Variants in CHRNA2 observed in about 807,000 individuals in gnomAD.
CHRNA2 encodes neuronal acetylcholine receptor subunit alpha-2.
Under a neutral mutation model 45.5 loss-of-function variants are expected in CHRNA2, and 40 were observed. The observed-to-expected ratio is 0.88, with a 90% CI of 0.68 to 1.15. The LOEUF (loss-of-function observed/expected upper bound fraction) is 1.15, where lower values mean the gene tolerates loss of function less well. CHRNA2 is among the 50% of genes most tolerant of loss of function. The pLI is 0.00. For missense variants in CHRNA2, 655 were observed against 701.7 expected, an observed-to-expected ratio of 0.93 and a Z score of 0.75; for synonymous variants, 301 against 296.7, an observed-to-expected ratio of 1.01 and a Z score of -0.15.
intron 2 of CHRNA2, among the ~76,000 whole-genome samples, chr8:27,470,302 A>T (rs1301689333): frequency 6.6e-6 from 1 of 152,114 alleles, no homozygotes; most frequent in African/African-American, 2.4e-5. Flanking sequence ...AGGGAAGTGG[A>T]AGAGACGCCT....
At chr8:27,477,157 C>T (rs1289990183) in intron 1 of CHRNA2, 1 of 152,162 alleles carries the variant, frequency 6.6e-6, no homozygotes, top group East Asian at 1.9e-4. Context: ...AGCAATTCAG[C>T]CAGTACTCAC....
chr8:27,463,270 G>A lies in CHRNA2; in HGVS notation c.1173C>T (p.His391=), dbSNP rs183676062. The A allele has an allele frequency of 2.5e-6, 4 of 1,606,550 alleles. No individual in the cohort carries two copies. The highest frequency in any genetic ancestry group is 1.7e-5 in the Admixed American group (1 of 59,826). The part of the protein sequence containing the change: ...NRPPPPVELC[H]PLRLKLSPSY... ...AGGGGCTGAGCTTCAGGCGTAGGGG[G>A]TGGCAGAGCTCCACGGGTGGTGGGG... The change falls in exon 6 of 7, where the codon CAC becomes CAT. Residue 391 remains histidine, a synonymous_variant. Coordinates refer to ENST00000407991, the MANE Select transcript of CHRNA2 (RefSeq NM_000742.4). This position sits in a 1 kb window ranked among gnomAD's most constrained non-coding sequence, Gnocchi z 6.1.
At chr8:27,469,253 A>T in intron 4 of CHRNA2, 82 bp downstream of exon 4, 2 of 1,329,054 alleles carry the variant, frequency 1.5e-6, no homozygotes. Flanking sequence ...TTGGTCTTTC[A>T]CTAGCGAAGA....
At chr8:27,471,863 G>T (rs1812894118) in intron 1 of CHRNA2, among the ~76,000 whole-genome samples, 1 of 152,206 alleles carries the variant, frequency 6.6e-6, no homozygotes, top group Non-Finnish European at 1.5e-5. Flanking sequence ...GCAGCCCCTA[G>T]GCAGCTGCAG....
At position 27,471,151 on chromosome 8, in the gene CHRNA2, G is replaced by A. The variant is rs752046709; in HGVS notation, c.-93C>T. 40 of 1,241,448 alleles carry A rather than the reference G, an allele frequency of 3.2e-5. No individual in the cohort carries two copies. Among genetic ancestry groups the A allele is most frequent in the Non-Finnish European group, 4.7e-5 (40 of 853,196 alleles). 76.9% of individuals were successfully genotyped at this position (1,241,448 alleles called of 1,614,324 possible). ...CAGCAGAGCTGCTGCTGGATTCTGTGAGGATTCTGCTGGATTCTGCGAGGC... is the reference window on the plus strand; with the variant it reads ...CAGCAGAGCTGCTGCTGGATTCTGTAAGGATTCTGCTGGATTCTGCGAGGC... On this transcript the variant is annotated 5_prime_UTR_variant, in exon 2 of 7. Coordinates refer to ENST00000407991, the MANE Select transcript of CHRNA2 (RefSeq NM_000742.4).
At chr8:27,465,575 G>C (rs1418267295) in intron 5 of CHRNA2, among the ~76,000 whole-genome samples, 4 of 151,910 alleles carry the variant, frequency 2.6e-5, no homozygotes, top group Non-Finnish European at 5.9e-5. Context: ...GGGACTACAG[G>C]TGCCACCACC....
intron 5 of CHRNA2, 27 bp downstream of exon 5, chr8:27,467,201 TC>T: frequency 6.3e-7 from 1 of 1,581,180 alleles, no homozygotes; most frequent in Non-Finnish European, 8.7e-7. Flanking sequence ...CCTCCCCTCA[TC>T]CCCCCAGGAC....
In CHRNA2 at chr8:27,463,580, TA is replaced by T; in HGVS notation, c.862del (p.Tyr288ThrfsTer49). The T allele has an allele frequency of 7.4e-6, 12 of 1,614,058 alleles. No individual in the cohort carries two copies. In the South Asian group the frequency reaches 1.2e-4, roughly 16 times the overall value. ...CTTCTCGCCGCAGTCGGAGGGCAGGTAGAAGACCAGCACAGTGAGGCAGGAG... is the reference window on the plus strand; with the variant it reads ...CTTCTCGCCGCAGTCGGAGGGCAGGTGAAGACCAGCACAGTGAGGCAGGAG... ...LISCLTVLVF[Y>X]LPSDCGEKIT... is the part of the protein sequence containing the mutation. On this transcript the variant is annotated frameshift_variant, in exon 6 of 7. Coordinates refer to ENST00000407991, the MANE Select transcript of CHRNA2 (RefSeq NM_000742.4). LOFTEE classifies it high-confidence loss of function. This position sits in a 1 kb window ranked among gnomAD's most constrained non-coding sequence, Gnocchi z 6.1.
In CHRNA2 at chr8:27,478,497, T is replaced by G. The variant is rs1246818843; in HGVS notation, c.-137+327A>C. On this transcript the variant is annotated intron_variant, in intron 1 of 6. Coordinates refer to ENST00000407991, the MANE Select transcript of CHRNA2 (RefSeq NM_000742.4). Reference sequence around the variant, plus strand: ...TGTCTTTTAGCCCTTTTAAAGGACATAGACAATTTACAGAATGAGTAAATA... The same window carrying G: ...TGTCTTTTAGCCCTTTTAAAGGACAGAGACAATTTACAGAATGAGTAAATA... 3.3e-5 allele frequency among the ~76,000 whole-genome samples: 5 copies of G among 152,284 alleles called. No individual in the cohort carries two copies. The South Asian group carries it at 8.3e-4, about 25-fold the overall frequency.
intron 2 of CHRNA2, among the ~76,000 whole-genome samples, chr8:27,470,322 G>C (rs2565063): frequency 9.9e-5 from 15 of 152,060 alleles, no homozygotes; most frequent in Admixed American, 5.9e-4. Flanking sequence ...TGGTCTACGT[G>C]GCGGGGCTGC....
chr8:27,467,374 C>G, intron 4 of CHRNA2, 36 bp from the exon 5 acceptor site: 1 of 1,533,726 alleles, frequency 6.5e-7, no homozygotes, highest in Non-Finnish European at 9.0e-7. Context: ...AACCTCGCTT[C>G]CAGGGAGCAG....
chr8:27,462,558 A>C (rs1369756606), intron 6 of CHRNA2, among the ~76,000 whole-genome samples: 1 of 152,214 alleles, frequency 6.6e-6, no homozygotes, highest in Non-Finnish European at 1.5e-5. Flanking sequence ...GAGGCGGAGG[A>C]AGAGACCATC....
At chr8:27,474,147 G>A (rs1812990489) in intron 1 of CHRNA2, among the ~76,000 whole-genome samples, 1 of 152,188 alleles carries the variant, frequency 6.6e-6, no homozygotes, top group Non-Finnish European at 1.5e-5. Context: ...ATGGTTGTCA[G>A]GGCCCATGAC....
chr8:27,476,381 T>C (rs1037979407), intron 1 of CHRNA2, among the ~76,000 whole-genome samples: 8 of 152,194 alleles, frequency 5.3e-5, no homozygotes, highest in Non-Finnish European at 1.2e-4. Context: ...TCCAGGCTTT[T>C]TACAACTCTC....
At chr8:27,465,874 A>G (rs2322584) in intron 5 of CHRNA2, among the ~76,000 whole-genome samples, 129,347 of 152,226 alleles carry the variant, frequency 0.85, 55,272 homozygotes, top group Middle Eastern at 0.94. Context: ...GAGGGGATCC[A>G]TCTCTAAATG....
chr8:27,463,989 C>T lies in CHRNA2; in HGVS notation c.454G>A (p.Asp152Asn). The change falls in exon 6 of 7, where the codon GAT becomes AAT. Residue 152 changes from aspartate to asparagine, a missense_variant. Physicochemically the swap from Asp to Asn is conservative, Grantham distance 23. This residue lies in a region of CHRNA2 where 323 missense variants were observed against 354.4 expected (regional missense o/e 0.91). Transcript: ENST00000407991. The surrounding 1 kb of genome is among the most constrained non-coding windows in gnomAD (Gnocchi z 6.1). Reference protein sequence around the residue: ...IPDIVLYNNADGEFAVTHMTK... With the variant: ...IPDIVLYNNANGEFAVTHMTK... ...ATGTGGGTCACTGCAAACTCCCCAT[C>T]TGCACTGAGAAGAGGAGAGGAGCTG... 1 of 1,614,144 alleles carries T rather than the reference C, an allele frequency of 6.2e-7. No individual in the cohort carries two copies. Among genetic ancestry groups the T allele is most frequent in the Non-Finnish European group, 8.5e-7 (1 of 1,180,014 alleles).
chr8:27,461,588 T>G lies in CHRNA2; in HGVS notation c.*41A>C. 6.2e-7 allele frequency: 1 copy of G among 1,613,256 alleles called. No homozygotes were observed. The highest frequency in any genetic ancestry group is 8.5e-7 in the Non-Finnish European group (1 of 1,179,336). On this transcript the variant is annotated 3_prime_UTR_variant, in exon 7 of 7. Coordinates refer to ENST00000407991, the MANE Select transcript of CHRNA2 (RefSeq NM_000742.4). ...TGTAGCAGAGACGGTCAAAAGATGG[T>G]CAGCGGGGGTGCCCTGGGAGCCAGC...
chr8:27,463,052 G>T lies in CHRNA2; in HGVS notation c.1391C>A (p.Pro464His), dbSNP rs2132650297. The change falls in exon 6 of 7, where the codon CCC becomes CAC. Residue 464 changes from proline (P) to histidine (H), a missense_variant. Pro to His is a moderately conservative substitution (Grantham distance 77). This residue lies in a region of CHRNA2 where 295 missense variants were observed against 280.4 expected (regional missense o/e 1.05). Coordinates refer to ENST00000407991, the MANE Select transcript of CHRNA2 (RefSeq NM_000742.4). The surrounding 1 kb of genome is among the most constrained non-coding windows in gnomAD (Gnocchi z 6.1). ...LLQEGELLLS[P>H]HMQKALEGVH... ...ACCTTCCAGTGCCTTCTGCATGTGG[G>T]GTGATAGCAGCAGCTCACCCTCCTG... 1 of 1,613,630 alleles carries T rather than the reference G, an allele frequency of 6.2e-7. No individual in the cohort carries two copies. The highest frequency in any genetic ancestry group is 8.5e-7 in the Non-Finnish European group (1 of 1,179,584).
intron 1 of CHRNA2, among the ~76,000 whole-genome samples, chr8:27,471,803 A>G (rs1237935369): frequency 6.6e-6 from 1 of 152,196 alleles, no homozygotes; most frequent in Non-Finnish European, 1.5e-5. Context: ...TACAACTCCT[A>G]AGATACTGGG....
Sources: gnomAD v4.1 joint callset for allele counts (sites outside exome capture counted in the v4.1 genomes callset) on GRCh38, gnomAD v4.1.1 for gene constraint, gnomAD v4.1.1 regional missense constraint, Gnocchi (gnomAD v3.1) non-coding constraint, MANE v1.5 for transcripts, NCBI Gene and HGNC (gene_info 2026-07-23, HGNC 2026-07-21) for gene names.